Variants in CAMKK2 observed in about 807,000 individuals in gnomAD.
The protein encoded by CAMKK2 is calcium/calmodulin dependent protein kinase kinase 2, also known as calcium/calmodulin-dependent protein kinase kinase 2.
Under a neutral mutation model 67.2 loss-of-function variants are expected in CAMKK2, and 30 were observed. The observed-to-expected ratio is 0.45, with a 90% CI of 0.33 to 0.61. The LOEUF is 0.61. Among genes scored for constraint, CAMKK2 ranks in the 20% least tolerant of loss-of-function variants. The pLI is 0.02. For missense variants in CAMKK2, 643 were observed against 802.0 expected, an observed-to-expected ratio of 0.80 and a Z score of 2.39; for synonymous variants, 322 against 326.2, an observed-to-expected ratio of 0.99 and a Z score of 0.14.
chr12:121,245,355 G>A lies in CAMKK2; in HGVS notation c.1453-115C>T. On this transcript the variant is annotated intron_variant, in intron 14 of 16. Transcript: ENST00000404169. The surrounding 1 kb of genome is among the most constrained non-coding windows in gnomAD (Gnocchi z 5.8). ...GCCCCTGCCAGCTCCCAGGGCTGGT[G>A]ACCGATGGCAGACTTTGAGAGAAAC... The A allele has an allele frequency of 1.5e-6, 1 of 688,272 alleles. No homozygotes were observed. The highest frequency in any genetic ancestry group is 1.6e-5 in the South Asian group (1 of 61,256). 42.6% of individuals were successfully genotyped at this position (688,272 alleles called of 1,614,324 possible).
intron 4 of CAMKK2, among the ~76,000 whole-genome samples, chr12:121,269,322 G>A (rs1295509163): frequency 1.3e-5 from 2 of 152,270 alleles, no homozygotes; most frequent in East Asian, 3.9e-4. Flanking sequence ...TGCTGAATGA[G>A]TAACTTTTTC....
intron 1 of CAMKK2, among the ~76,000 whole-genome samples, chr12:121,275,985 C>A (rs2136462479): frequency 6.6e-6 from 1 of 151,950 alleles, no homozygotes; most frequent in East Asian, 1.9e-4. Flanking sequence ...CATGGTGAAA[C>A]CCCATCTCTA....
At position 121,240,693 on chromosome 12, in the gene CAMKK2, A is replaced by T. The variant is rs199743351; in HGVS notation, c.*6T>A. 1.1e-5 allele frequency: 17 copies of T among 1,593,770 alleles called. No individual in the cohort carries two copies. In the African/African-American group the frequency reaches 2.0e-4, roughly 19 times the overall value. On this transcript the variant is annotated 3_prime_UTR_variant, in exon 17 of 17. Transcript: ENST00000404169. The surrounding 1 kb of genome is among the most constrained non-coding windows in gnomAD (Gnocchi z 4.4). ...GCGCGCATGCGAGGTCGAGCGATCC[A>T]GGCAGCTACTCGGGCTCCATGGCCT...
Position 121,253,099 on chromosome 12 carries a change from G to A in CAMKK2, c.1107+174C>T, listed in dbSNP as rs768025486. 1.1e-4 allele frequency among the ~76,000 whole-genome samples: 16 copies of A among 152,198 alleles called. No homozygotes were observed. Among genetic ancestry groups the A allele is most frequent in the East Asian group, 1.9e-4 (1 of 5,198 alleles). On this transcript the variant is annotated intron_variant, in intron 10 of 16. Transcript: ENST00000404169. The surrounding 1 kb of genome is among the most constrained non-coding windows in gnomAD (Gnocchi z 5.0). ...ATAAGAAAAACAACTGAAAGATGGC[G>A]GGAGATGGTTTCTGTTTGAGTCCCT...
chr12:121,265,387 T>C (rs1894326355), intron 5 of CAMKK2, among the ~76,000 whole-genome samples: 1 of 152,064 alleles, frequency 6.6e-6, no homozygotes, highest in African/African-American at 2.4e-5. Flanking sequence ...ACAGAGGAGC[T>C]GACCATCAGG....
chr12:121,243,907 G>A lies in CAMKK2; in HGVS notation c.1596+666C>T, dbSNP rs200682617. On this transcript the variant is annotated intron_variant, in intron 16 of 16. Transcript: ENST00000404169. ...CATGATGTGCTCAGTGGGAAGGGCA[G>A]TGGGGTCCCCACCCACCACAGCACC... The A allele has an allele frequency of 5.0e-6, 7 of 1,411,776 alleles. No individual in the cohort carries two copies. In the African/African-American group the frequency reaches 7.2e-5, roughly 15 times the overall value. The allele number at this position is 1,411,776 out of a possible 1,614,324, so 87.5% of individuals were successfully genotyped here. A position where few individuals can be genotyped will look rare whatever the true frequency, so the allele number is the denominator to read the frequency against.
At chr12:121,260,982 C>T (rs7314454) in intron 6 of CAMKK2, among the ~76,000 whole-genome samples, 23,582 of 151,096 alleles carry the variant, frequency 0.16, 2,824 homozygotes, top group African/African-American at 0.34. Flanking sequence ...TCCAACCCAG[C>T]TCCTAGGAGA....
chr12:121,243,006 C>A (rs1170997346), intron 16 of CAMKK2, among the ~76,000 whole-genome samples: 1 of 148,260 alleles, frequency 6.7e-6, no homozygotes. Context: ...CCTCCCAAAG[C>A]GCTGGGATTA....
rs774981105 is a variant in CAMKK2 at position 121,240,823 on chromosome 12, C to CG, written c.1642dup (p.Arg548ProfsTer66). 5.0e-6 allele frequency: 8 copies of CG among 1,611,704 alleles called. No homozygotes were observed. Among genetic ancestry groups the CG allele is most frequent in the Non-Finnish European group, 5.9e-6 (7 of 1,179,590 alleles). ...CACAAGAGCACTTCCTCCTCCCCCACGGGGGGCGGGTCGGTGCCCTGGAGG... is the reference window on the plus strand; with the variant it reads ...CACAAGAGCACTTCCTCCTCCCCCACGGGGGGGCGGGTCGGTGCCCTGGAGG... On this transcript the variant is annotated frameshift_variant, in exon 17 of 17. Transcript: ENST00000404169. LOFTEE classifies it low-confidence loss of function (END_TRUNC). The surrounding 1 kb of genome is among the most constrained non-coding windows in gnomAD (Gnocchi z 4.4).
chr12:121,274,324 A>C lies in CAMKK2; in HGVS notation c.203T>G (p.Leu68Trp). 1 of 1,613,334 alleles carries C rather than the reference A, an allele frequency of 6.2e-7. No homozygotes were observed. Among genetic ancestry groups the C allele is most frequent in the Non-Finnish European group, 8.5e-7 (1 of 1,179,844 alleles). The change falls in exon 2 of 17, where the codon TTG (leucine) becomes TGG (tryptophan). Residue 68 changes from leucine (L) to tryptophan (W), a missense_variant. This residue lies in a region of CAMKK2 where 483 missense variants were observed against 625.8 expected (regional missense o/e 0.77). Transcript: ENST00000404169. ...GGCCTCCAGGGGCCGGTCCCGCGCC[A>C]AGCCGAGGTCCACAGCACAGCCCGG... is the stretch of plus-strand genomic sequence containing the variant. ...CEPGCAVDLG[L>W]ARDRPLEADG...
rs760796373 is a variant in CAMKK2, at chr12:121,260,302, G to A, written c.796+17C>T. ...TGGTGCCTGGGTGAGGGTGGCAGAA[G>A]AAAAGGGCTTCCTTACCCATGTACA... On this transcript the variant is annotated intron_variant, in intron 7 of 16. Transcript: ENST00000404169. The A allele has an allele frequency of 2.5e-6, 4 of 1,601,120 alleles. No homozygotes were observed. Among genetic ancestry groups the A allele is most frequent in the Non-Finnish European group, 3.4e-6 (4 of 1,175,512 alleles).
intron 16 of CAMKK2, among the ~76,000 whole-genome samples, chr12:121,241,237 C>T (rs1025873281): frequency 1.3e-5 from 2 of 152,198 alleles, no homozygotes; most frequent in Admixed American, 6.5e-5. Flanking sequence ...CGATCCCCCA[C>T]TTAGGCTATG....
intron 13 of CAMKK2, 99 bp from the exon 14 acceptor site, chr12:121,248,833 A>C: frequency 6.9e-7 from 1 of 1,441,764 alleles, no homozygotes; most frequent in African/African-American, 1.4e-5. Flanking sequence ...ACGGAGAGGC[A>C]AGGGCCTGTG....
At chr12:121,278,056 G>A (rs1251179542) in intron 1 of CAMKK2, among the ~76,000 whole-genome samples, 3 of 152,142 alleles carry the variant, frequency 2.0e-5, no homozygotes, top group East Asian at 1.9e-4. Context: ...AGGATGCTAC[G>A]GGATCAGACG....
chr12:121,277,014 G>C (rs1026500671), intron 1 of CAMKK2, among the ~76,000 whole-genome samples: 6 of 152,092 alleles, frequency 3.9e-5, no homozygotes, highest in African/African-American at 1.4e-4. Flanking sequence ...GGGTAAAAGA[G>C]AGGAAGGTAC....
rs1389394347 is a variant in CAMKK2 at position 121,245,925 on chromosome 12, A to G, written c.1453-685T>C. On this transcript the variant is annotated intron_variant, in intron 14 of 16. Coordinates refer to ENST00000404169, the MANE Select transcript of CAMKK2 (RefSeq NM_001270485.2). This position sits in a 1 kb window ranked among gnomAD's most constrained non-coding sequence, Gnocchi z 5.8. ...CTGTGCAATGGAACATGATTCAGCC[A>G]TAAGGAGTGAAGCACTGATCCATGC... is the stretch of plus-strand genomic sequence containing the variant. Among the ~76,000 whole-genome samples, 5 of 152,242 alleles carry G rather than the reference A, an allele frequency of 3.3e-5. No homozygotes were observed. The highest frequency in any genetic ancestry group is 1.3e-4 in the Admixed American group (2 of 15,290).
At chr12:121,292,150 G>A (rs546873865) in intron 1 of CAMKK2, among the ~76,000 whole-genome samples, 41 of 151,732 alleles carry the variant, frequency 2.7e-4, no homozygotes, top group Non-Finnish European at 5.6e-4. Flanking sequence ...TTTTGAGAAG[G>A]AGTCTTGCTT....
chr12:121,261,364 C>G (rs1462174985), intron 6 of CAMKK2, among the ~76,000 whole-genome samples: 1 of 152,200 alleles, frequency 6.6e-6, no homozygotes, highest in African/African-American at 2.4e-5. Flanking sequence ...ATGGCCAACT[C>G]TAGCACCAGT....
At position 121,285,276 on chromosome 12, in the gene CAMKK2, A is replaced by G. The variant is rs1369600650; in HGVS notation, c.-59-10691T>C. On this transcript the variant is annotated intron_variant, in intron 1 of 16. Coordinates refer to ENST00000404169, the MANE Select transcript of CAMKK2 (RefSeq NM_001270485.2). The surrounding 1 kb of genome is among the most constrained non-coding windows in gnomAD (Gnocchi z 4.1). Reference sequence around the variant, plus strand: ...CCAGCACTTTGGGAGGCCAAGGCGGACAGATCACTTGAGGCCAGGAGTTCG... The same window carrying G: ...CCAGCACTTTGGGAGGCCAAGGCGGGCAGATCACTTGAGGCCAGGAGTTCG... 1.3e-5 allele frequency among the ~76,000 whole-genome samples: 2 copies of G among 152,304 alleles called. No individual in the cohort carries two copies. Among genetic ancestry groups the G allele is most frequent in the East Asian group, 3.9e-4 (2 of 5,176 alleles).
Sources: allele counts gnomAD v4.1 joint callset (sites outside exome capture counted in the v4.1 genomes callset), GRCh38; gene constraint gnomAD v4.1.1; regional missense constraint gnomAD v4.1.1; non-coding constraint Gnocchi (gnomAD v3.1); transcripts MANE v1.5; gene names NCBI Gene and HGNC (gene_info 2026-07-23, HGNC 2026-07-21).